The following TRIM66 variants were observed in gnomAD, a reference collection of about 807,000 sequenced individuals.
The protein encoded by TRIM66 is tripartite motif-containing protein 66.
In TRIM66, 99 loss-of-function variants were observed where a neutral mutation model predicts 148.2. The ratio of observed to expected loss-of-function variants is 0.67; its 90% CI spans 0.57 to 0.79. The LOEUF (loss-of-function observed/expected upper bound fraction) is 0.79, where lower values mean the gene tolerates loss of function less well. Among genes scored for constraint, TRIM66 ranks in the 30% least tolerant of loss-of-function variants. The pLI, the probability that TRIM66 is intolerant of heterozygous loss-of-function variation, is 0.00. For missense variants in TRIM66, 1,666 were observed against 1,697.9 expected (o/e 0.98, Z 0.33); for synonymous variants, 616 against 635.9 (o/e 0.97, Z 0.47).
At chr11:8,619,974 G>C (rs889031961) in intron 22 of TRIM66, 76 bp downstream of exon 22, 3 of 1,297,210 alleles carry the variant, frequency 2.3e-6, no homozygotes, top group Admixed American at 2.1e-5. Flanking sequence ...ACAGGGGTTA[G>C]GGGAGGCTGG....
Position 8,621,210 on chromosome 11 carries a change from G to A in TRIM66, c.3367C>T (p.Pro1123Ser), listed in dbSNP as rs1401561138. The part of the protein sequence containing the change: ...QRPPEVEGTS[P>S]EEHRLIPRTP... ...CGAGGAATGAGTCTGTGTTCTTCAG[G>A]AGATGTGCCCTCCACTTCTGGTGGC... is the stretch of plus-strand genomic sequence containing the variant. Residue 1123 changes from proline (P) to serine (S), a missense_variant, in exon 20 of 25, where the codon CCT becomes TCT. By Grantham distance (74) the Pro-to-Ser change is moderately conservative. Coordinates refer to ENST00000646038, the MANE Select transcript of TRIM66 (RefSeq NM_001388022.1). The A allele has an allele frequency of 1.9e-6, 3 of 1,551,582 alleles. No homozygotes were observed. Among genetic ancestry groups the A allele is most frequent in the African/African-American group, 2.7e-5 (2 of 73,032 alleles).
chr11:8,639,872 A>G (rs566814972), intron 14 of TRIM66, among the ~76,000 whole-genome samples: 1 of 152,272 alleles, frequency 6.6e-6, no homozygotes, highest in South Asian at 2.1e-4. Flanking sequence ...TAGGGAGATG[A>G]CAAGATAAGA....
intron 18 of TRIM66, among the ~76,000 whole-genome samples, chr11:8,622,339 A>ACACACACACAC (rs372931051): frequency 1.4e-5 from 1 of 71,452 alleles, no homozygotes; most frequent in East Asian, 2.9e-4. Context: ...ACACACACAC[A>ACACACACACAC]ACACACACAC....
rs2033557333 is a variant in TRIM66, at chr11:8,613,889, A to ATTG, written c.*4054_*4055insCAA. On this transcript the variant is annotated 3_prime_UTR_variant, in exon 25 of 25. Transcript: ENST00000646038. ...AGATGGAGGCATGGGTGGGGAAAAA[A>ATTG]AAAGGGATCACAACAAGTTAAAGAA... 1 of 152,206 alleles carries ATTG rather than the reference A, an allele frequency of 6.6e-6. No homozygotes were observed. Among genetic ancestry groups the ATTG allele is most frequent in the African/African-American group, 2.4e-5 (1 of 41,434 alleles). 9.4% of individuals were successfully genotyped at this position (152,206 alleles called of 1,614,324 possible).
Position 8,658,036 on chromosome 11 carries a change from G to A in TRIM66, c.341-6133C>T, listed in dbSNP as rs186901004. On this transcript the variant is annotated intron_variant, in intron 6 of 24. Coordinates refer to ENST00000646038, the MANE Select transcript of TRIM66 (RefSeq NM_001388022.1). ...CCCACCCTGCATGCTGCAGCCAGGCGGGCTGCAAGGCCTAAGCCTCGGGGA... is the reference window on the plus strand; with the variant it reads ...CCCACCCTGCATGCTGCAGCCAGGCAGGCTGCAAGGCCTAAGCCTCGGGGA... Among the ~76,000 whole-genome samples, 18 of 152,348 alleles carry A rather than the reference G, an allele frequency of 1.2e-4. 1 individual carries two copies. The East Asian group carries it at 3.1e-3, about 26-fold the overall frequency.
intron 17 of TRIM66, among the ~76,000 whole-genome samples, chr11:8,623,518 T>C (rs374021825): frequency 6.6e-6 from 1 of 152,240 alleles, no homozygotes; most frequent in African/African-American, 2.4e-5. Flanking sequence ...AGTTGGCCTT[T>C]CAGTCAGTGT....
intron 6 of TRIM66, among the ~76,000 whole-genome samples, chr11:8,665,780 T>G (rs1034888004): frequency 6.6e-6 from 1 of 151,522 alleles, no homozygotes; most frequent in East Asian, 2.0e-4. Flanking sequence ...AAATCCTGTC[T>G]CTACTAAAAA....
Position 8,651,864 on chromosome 11 carries a change from G to A in TRIM66, c.380C>T (p.Thr127Ile). The change falls in exon 7 of 25, where the codon ACC (threonine) becomes ATC (isoleucine). Residue 127 changes from threonine to isoleucine, a missense_variant. By Grantham distance (89) the Thr-to-Ile change is moderately conservative. Transcript: ENST00000646038. ...AAAAAAATGTTCAGTTACATCCCTGGTAAGATATACTCGTTCACACCCAGG... is the reference window on the plus strand; with the variant it reads ...AAAAAAATGTTCAGTTACATCCCTGATAAGATATACTCGTTCACACCCAGG... ...SCPGCERVYL[T>I]RDVTEHFFLH... 5 of 1,551,720 alleles carry A rather than the reference G, an allele frequency of 3.2e-6. No individual in the cohort carries two copies. Among genetic ancestry groups the A allele is most frequent in the Non-Finnish European group, 4.4e-6 (5 of 1,147,006 alleles).
chr11:8,628,787 T>A (rs555611863), intron 15 of TRIM66, among the ~76,000 whole-genome samples: 2 of 151,956 alleles, frequency 1.3e-5, no homozygotes, highest in Non-Finnish European at 2.9e-5. Context: ...CCCTCCTCTC[T>A]CATGAGCTCC....
At chr11:8,648,674 T>C (rs923507469) in intron 8 of TRIM66, 126 bp from the exon 9 acceptor site, 1 of 1,192,434 alleles carries the variant, frequency 8.4e-7, no homozygotes, top group African/African-American at 1.5e-5. Flanking sequence ...GGGGAAGTGT[T>C]ATAAACAGGA....
chr11:8,651,832 A>C lies in TRIM66; in HGVS notation c.412T>G (p.Cys138Gly). Residue 138 changes from cysteine (C) to glycine (G), a missense_variant, in exon 7 of 25, where the codon TGT (cysteine) becomes GGT (glycine). Cys to Gly is a radical substitution (Grantham distance 159, BLOSUM62 -3). This residue lies in a region of TRIM66 where 1,431 missense variants were observed against 1,412.4 expected (regional missense o/e 1.01). Transcript: ENST00000646038. ...ATCTTGGGTTGCTCAGTAGGAACAC[A>C]ATGCAGAAAAAAATGTTCAGTTACA... is the stretch of plus-strand genomic sequence containing the variant. ...RDVTEHFFLH[C>G]VPTEQPKMAR... The C allele has an allele frequency of 6.4e-7, 1 of 1,551,782 alleles. No individual in the cohort carries two copies. Among genetic ancestry groups the C allele is most frequent in the Non-Finnish European group, 8.7e-7 (1 of 1,146,990 alleles).
At chr11:8,675,000 C>A (rs2039110561) in intron 3 of TRIM66, 117 bp from the exon 4 acceptor site, 1 of 152,204 alleles carries the variant, frequency 6.6e-6, no homozygotes, top group African/African-American at 2.4e-5. Context: ...AAGGTAGACT[C>A]TGAACCAAAC....
intron 15 of TRIM66, among the ~76,000 whole-genome samples, chr11:8,628,604 C>T: frequency 1.2e-5 from 1 of 86,136 alleles, no homozygotes; most frequent in Non-Finnish European, 2.7e-5. Context: ...CAGAGGAAGA[C>T]CCTGTCTCAA....
chr11:8,660,516 A>G (rs1231823571), intron 6 of TRIM66, among the ~76,000 whole-genome samples: 1 of 152,246 alleles, frequency 6.6e-6, no homozygotes, highest in East Asian at 1.9e-4. Flanking sequence ...ATGCCCATTC[A>G]TTTCCATATT....
intron 14 of TRIM66, among the ~76,000 whole-genome samples, chr11:8,639,793 G>A (rs1565512027): frequency 6.6e-6 from 1 of 152,298 alleles, no homozygotes; most frequent in East Asian, 1.9e-4. Flanking sequence ...CATCTAACAT[G>A]GACCCTCACT....
At chr11:8,663,768 G>GAT (rs748374136) in intron 6 of TRIM66, among the ~76,000 whole-genome samples, 8 of 151,942 alleles carry the variant, frequency 5.3e-5, no homozygotes, top group East Asian at 3.8e-4. Context: ...AAGAAAATGT[G>GAT]ATATATATAC....
chr11:8,650,953 C>A lies in TRIM66; in HGVS notation c.444+847G>T, dbSNP rs542921235. On this transcript the variant is annotated intron_variant, in intron 7 of 24. Transcript: ENST00000646038. ...TAGACCAGCGTTCAGAGTTGTGCTC[C>A]CACACCTGGGCTCTGCCTGATCTGA... 2.0e-5 allele frequency among the ~76,000 whole-genome samples: 3 copies of A among 152,310 alleles called. No homozygotes were observed. In the South Asian group the frequency reaches 6.2e-4, roughly 32 times the overall value.
At position 8,621,496 on chromosome 11, in the gene TRIM66, G is replaced by A. The variant is rs1012875601; in HGVS notation, c.3255+149C>T. On this transcript the variant is annotated intron_variant, in intron 19 of 24. Coordinates refer to ENST00000646038, the MANE Select transcript of TRIM66 (RefSeq NM_001388022.1). The stretch of plus-strand genomic sequence containing the variant: ...CCTCACTCCTAATATGCATCTCACA[G>A]GACCTTGCAGCAGGGGACAACGTCT... 8 of 1,275,178 alleles carry A rather than the reference G, an allele frequency of 6.3e-6. 1 individual carries two copies. The South Asian group carries it at 9.4e-5, about 15-fold the overall frequency. The allele number at this position is 1,275,178 out of a possible 1,614,324, so 79.0% of individuals were successfully genotyped here. A position where few individuals can be genotyped will look rare whatever the true frequency, so the allele number is the denominator to read the frequency against.
intron 9 of TRIM66, 37 bp from the exon 10 acceptor site, chr11:8,648,123 G>A (rs1368898955): frequency 1.4e-5 from 21 of 1,506,256 alleles, no homozygotes; most frequent in Non-Finnish European, 1.9e-5. Flanking sequence ...GAGAAGGGCT[G>A]AGTCCTACTT....
Sources: allele counts gnomAD v4.1 joint callset (sites outside exome capture counted in the v4.1 genomes callset), GRCh38; gene constraint gnomAD v4.1.1; regional missense constraint gnomAD v4.1.1; transcripts MANE v1.5; gene names NCBI Gene and HGNC (gene_info 2026-07-23, HGNC 2026-07-21).